Variants in MYO3A observed in about 807,000 individuals in gnomAD.
MYO3A encodes the protein myosin-IIIa.
A neutral mutation model predicts 192.7 loss-of-function variants in MYO3A; 180 were observed. The ratio of observed to expected loss-of-function variants is 0.93; its 90% CI spans 0.83 to 1.06. The LOEUF is 1.06. Among genes scored for constraint, MYO3A ranks in the 50% least tolerant of loss-of-function variants. MYO3A has a pLI of 0.00. For synonymous variants in MYO3A, 628 were observed against 645.3 expected (o/e 0.97, Z 0.41); for missense variants, 1,896 against 1,905.0 (o/e 1.00, Z 0.09).
intron 28 of MYO3A, 123 bp downstream of exon 28, chr10:26,168,997 T>C (rs1841907855): frequency 1.1e-6 from 1 of 906,334 alleles, no homozygotes; most frequent in South Asian, 1.7e-5. Context: ...CCTTGATACT[T>C]TTGCTATATT....
Position 26,211,855 on chromosome 10 carries a change from G to A in MYO3A, c.4743G>A (p.Ala1581=), listed in dbSNP as rs886046927. Residue 1581 remains alanine, a synonymous_variant, in exon 35 of 35, where the codon GCG becomes GCA. Coordinates refer to ENST00000642920, the MANE Select transcript of MYO3A (RefSeq NM_017433.5). ...GTTTCACTTGCAGGTGCTGGGCGGCGGAGAGCCCCGAGAAGGAGGAGGAGA... is the reference window on the plus strand; with the variant it reads ...GTTTCACTTGCAGGTGCTGGGCGGCAGAGAGCCCCGAGAAGGAGGAGGAGA... ...CIKANERCWA[A]ESPEKEEERE... is the part of the protein sequence containing the mutation. The A allele has an allele frequency of 3.1e-6, 5 of 1,614,064 alleles. No homozygotes were observed. The highest frequency in any genetic ancestry group is 3.3e-4 in the Middle Eastern group (2 of 6,056).
At chr10:26,061,574 G>C (rs1282467934) in intron 10 of MYO3A, among the ~76,000 whole-genome samples, 1 of 152,170 alleles carries the variant, frequency 6.6e-6, no homozygotes, top group African/African-American at 2.4e-5. Flanking sequence ...TGTTGGAAAG[G>C]TTGTTTAAGG....
chr10:25,991,507 C>G (rs1338966835), intron 4 of MYO3A, among the ~76,000 whole-genome samples: 1 of 152,108 alleles, frequency 6.6e-6, no homozygotes, highest in African/African-American at 2.4e-5. Flanking sequence ...TGCAGAAGCT[C>G]TTTAGTTTAA....
intron 11 of MYO3A, among the ~76,000 whole-genome samples, chr10:26,067,463 G>T (rs1236227327): frequency 2.0e-5 from 3 of 152,110 alleles, no homozygotes; most frequent in African/African-American, 7.2e-5. Flanking sequence ...TCAGCCTATT[G>T]TAACCACCAT....
intron 2 of MYO3A, among the ~76,000 whole-genome samples, chr10:25,950,784 A>T (rs1837160895): frequency 6.6e-6 from 1 of 152,184 alleles, no homozygotes; most frequent in African/African-American, 2.4e-5. Context: ...TGGATTGGTG[A>T]TGTGAATAAA....
intron 10 of MYO3A, among the ~76,000 whole-genome samples, chr10:26,044,127 A>C (rs527311458): frequency 1.5e-4 from 23 of 152,276 alleles, no homozygotes; most frequent in African/African-American, 5.5e-4. Context: ...TAGGGCCTTG[A>C]AAGGGGACCT....
At chr10:26,134,017 T>A (rs1003920042) in intron 20 of MYO3A, among the ~76,000 whole-genome samples, 2 of 152,230 alleles carry the variant, frequency 1.3e-5, no homozygotes, top group African/African-American at 4.8e-5. Flanking sequence ...TGATACCTAT[T>A]AATAGAATAT....
chr10:26,184,265 A>G (rs930522235), intron 31 of MYO3A, among the ~76,000 whole-genome samples: 1 of 152,212 alleles, frequency 6.6e-6, no homozygotes, highest in Non-Finnish European at 1.5e-5. Context: ...GGCAGGTTGC[A>G]ACCATGACTA....
chr10:25,975,933 C>T (rs60276209), intron 4 of MYO3A, among the ~76,000 whole-genome samples: 227 of 152,108 alleles, frequency 1.5e-3, no homozygotes, highest in African/African-American at 5.2e-3. Flanking sequence ...TAAAGTGTAC[C>T]CACCCAATTT....
At chr10:26,033,672 G>C (rs1842902167) in intron 10 of MYO3A, among the ~76,000 whole-genome samples, 1 of 152,100 alleles carries the variant, frequency 6.6e-6, no homozygotes, top group Non-Finnish European at 1.5e-5. Context: ...CTGTGCTCTG[G>C]GGCTAACTTT....
At chr10:26,017,987 T>A (rs946892048) in intron 7 of MYO3A, among the ~76,000 whole-genome samples, 5 of 146,058 alleles carry the variant, frequency 3.4e-5, no homozygotes, top group African/African-American at 1.3e-4. Context: ...TATATTAATA[T>A]AATAATAAAT....
At chr10:26,094,547 C>G (rs1195293163) in intron 15 of MYO3A, among the ~76,000 whole-genome samples, 1 of 150,986 alleles carries the variant, frequency 6.6e-6, no homozygotes, top group Non-Finnish European at 1.5e-5. Context: ...GCCTCAGCCT[C>G]CCCAGCAGCT....
chr10:26,201,157 CTT>C (rs1843656731), intron 32 of MYO3A, 106 bp from the exon 33 acceptor site: 2 of 431,936 alleles, frequency 4.6e-6, no homozygotes, highest in Non-Finnish European at 3.9e-6. Context: ...TTATTTCTAA[CTT>C]AGTCTTTTAA....
intron 3 of MYO3A, among the ~76,000 whole-genome samples, chr10:25,953,159 T>C (rs750682567): frequency 7.9e-5 from 12 of 152,172 alleles, no homozygotes; most frequent in Non-Finnish European, 1.6e-4. Flanking sequence ...GAAAATGATG[T>C]AATGTGTATA....
intron 17 of MYO3A, among the ~76,000 whole-genome samples, chr10:26,106,531 T>TCTAA (rs1167842501): frequency 2.6e-5 from 4 of 152,114 alleles, no homozygotes; most frequent in African/African-American, 9.7e-5. Flanking sequence ...CTAAGACTAG[T>TCTAA]CTAAGTCAAT....
chr10:26,160,322 T>C (rs904407609), intron 26 of MYO3A, among the ~76,000 whole-genome samples: 2 of 152,062 alleles, frequency 1.3e-5, no homozygotes, highest in Admixed American at 1.3e-4. Flanking sequence ...GCCAAGAGAA[T>C]GATATACACA....
rs1342002148 is a variant in MYO3A at position 25,951,060 on chromosome 10, C to T, written c.-17-1034C>T. Among the ~76,000 whole-genome samples, 6 of 151,876 alleles carry T rather than the reference C, an allele frequency of 4.0e-5. No individual in the cohort carries two copies. In the East Asian group the frequency reaches 1.2e-3, roughly 29 times the overall value. On this transcript the variant is annotated intron_variant, in intron 2 of 34. Coordinates refer to ENST00000642920, the MANE Select transcript of MYO3A (RefSeq NM_017433.5). ...TTATAAAGTCACTTGATCTCACTGACCTATTCTTTTAATTAATTGACAAAT... is the reference window on the plus strand; with the variant it reads ...TTATAAAGTCACTTGATCTCACTGATCTATTCTTTTAATTAATTGACAAAT...
At chr10:26,072,232 G>A (rs969566322) in intron 14 of MYO3A, among the ~76,000 whole-genome samples, 1 of 152,180 alleles carries the variant, frequency 6.6e-6, no homozygotes, top group African/African-American at 2.4e-5. Context: ...CCCTAGACAC[G>A]TGGGGATTAC....
intron 31 of MYO3A, among the ~76,000 whole-genome samples, chr10:26,178,567 CAAA>C (rs1334007252): frequency 1.3e-5 from 2 of 148,402 alleles, no homozygotes; most frequent in Non-Finnish European, 3.0e-5. Flanking sequence ...AAAAAAAAAG[CAAA>C]AAGAAGAAAA....
Sources: gnomAD v4.1 joint callset for allele counts (sites outside exome capture counted in the v4.1 genomes callset) on GRCh38, gnomAD v4.1.1 for gene constraint, MANE v1.5 for transcripts, NCBI Gene and HGNC (gene_info 2026-07-23, HGNC 2026-07-21) for gene names.